The following GOLIM4 variants were observed in gnomAD, a reference collection of about 807,000 sequenced individuals.
GOLIM4 encodes 130 kDa golgi-localized phosphoprotein.
In GOLIM4, 71 loss-of-function variants were observed where a neutral mutation model predicts 107.4. The observed-to-expected ratio is 0.66, with a 90% confidence interval of 0.55 to 0.81. The LOEUF (loss-of-function observed/expected upper bound fraction) is 0.81, where lower values mean the gene tolerates loss of function less well. GOLIM4 is among the 30% of genes least tolerant of loss of function. The pLI is 0.00. For synonymous variants in GOLIM4, 327 were observed against 294.8 expected (o/e 1.11, Z -1.12); for missense variants, 830 against 826.1 (o/e 1.00, Z -0.06).
Position 168,029,880 on chromosome 3 carries a change from G to A in GOLIM4, c.1333C>T (p.Arg445Trp), listed in dbSNP as rs201493809. ...TGCTGCTGCTGCTGTTCCTGCTGCC[G>A]TAGTAAGTGCCCCTGCAGCCTCTGC... is the stretch of plus-strand genomic sequence containing the variant. ...HQQRLQGHLL[R>W]QQEQQQQQVA... Residue 445 changes from arginine to tryptophan, a missense_variant, in exon 10 of 16, where the codon CGG becomes TGG. Transcript: ENST00000470487. 158 of 1,614,108 alleles carry A rather than the reference G, an allele frequency of 9.8e-5. No individual in the cohort carries two copies. Among genetic ancestry groups the A allele is most frequent in the Middle Eastern group, 1.7e-4 (1 of 6,058 alleles).
Position 168,010,027 on chromosome 3 carries a change from C to T in GOLIM4, c.*242G>A. On this transcript the variant is annotated 3_prime_UTR_variant, in exon 16 of 16. Coordinates refer to ENST00000470487, the MANE Select transcript of GOLIM4 (RefSeq NM_014498.5). ...TATTAAAAAAATTGGGACGTGGGGG[C>T]TCAGGTTTACTTTATTGTTTTTCTT... 1 of 339,720 alleles carries T rather than the reference C, an allele frequency of 2.9e-6. No homozygotes were observed. Among genetic ancestry groups the T allele is most frequent in the Non-Finnish European group, 5.2e-6 (1 of 192,272 alleles). The allele number at this position is 339,720 out of a possible 1,614,324, so 21.0% of individuals were successfully genotyped here.
intron 1 of GOLIM4, among the ~76,000 whole-genome samples, chr3:168,055,143 G>C (rs1222818522): frequency 3.3e-5 from 5 of 152,122 alleles, no homozygotes; most frequent in Non-Finnish European, 7.4e-5. Context: ...GTGGGGTGCT[G>C]CTGAAAAGAT....
At chr3:168,048,225 C>T in intron 2 of GOLIM4, 66 bp downstream of exon 2, 1 of 844,872 alleles carries the variant, frequency 1.2e-6, no homozygotes, top group Non-Finnish European at 1.9e-6. Context: ...AATTGTAAAC[C>T]AAGTATATGA....
chr3:168,046,389 G>A (rs1719304815), intron 3 of GOLIM4, among the ~76,000 whole-genome samples: 2 of 152,134 alleles, frequency 1.3e-5, no homozygotes, highest in Non-Finnish European at 2.9e-5. Flanking sequence ...GTGGAGGGAA[G>A]GTCAGCAGAT....
At chr3:168,093,004 T>C (rs140247223) in intron 1 of GOLIM4, among the ~76,000 whole-genome samples, 140 of 152,282 alleles carry the variant, frequency 9.2e-4, no homozygotes, top group African/African-American at 3.2e-3. Context: ...AGGTAGAACA[T>C]TTCCATCTGC....
chr3:168,065,431 T>C (rs926648925), intron 1 of GOLIM4, among the ~76,000 whole-genome samples: 1 of 152,154 alleles, frequency 6.6e-6, no homozygotes, highest in African/African-American at 2.4e-5. Flanking sequence ...ACTTGAAAAA[T>C]ATTATACATA....
intron 1 of GOLIM4, among the ~76,000 whole-genome samples, chr3:168,062,637 A>G (rs1189898239): frequency 6.6e-6 from 1 of 152,190 alleles, no homozygotes; most frequent in African/African-American, 2.4e-5. Context: ...GAAAGCACCC[A>G]GTAATAGCAG....
intron 1 of GOLIM4, among the ~76,000 whole-genome samples, chr3:168,073,488 T>C (rs1359448108): frequency 2.0e-5 from 3 of 152,200 alleles, no homozygotes; most frequent in Non-Finnish European, 2.9e-5. Context: ...TTACCTACTA[T>C]ATTTCAGGCA....
At chr3:168,046,882 T>TC (rs1311711549) in intron 3 of GOLIM4, 68 bp downstream of exon 3, 2 of 811,152 alleles carry the variant, frequency 2.5e-6, no homozygotes, top group East Asian at 5.9e-5. Context: ...TGTATTTCTC[T>TC]CTCTTTCAAG....
intron 1 of GOLIM4, among the ~76,000 whole-genome samples, chr3:168,063,630 C>T (rs1720381507): frequency 6.8e-6 from 1 of 147,630 alleles, no homozygotes; most frequent in Non-Finnish European, 1.5e-5. Context: ...TAAAAGCCTT[C>T]AAGAGTAGAA....
chr3:168,011,370 C>G (rs989770894), intron 14 of GOLIM4, among the ~76,000 whole-genome samples: 3 of 152,192 alleles, frequency 2.0e-5, no homozygotes, highest in African/African-American at 7.2e-5. Context: ...AGATTATATC[C>G]CGCACCTGGC....
chr3:168,028,285 A>G (rs1053238390), intron 11 of GOLIM4, among the ~76,000 whole-genome samples: 1 of 152,184 alleles, frequency 6.6e-6, no homozygotes, highest in African/African-American at 2.4e-5. Context: ...AAACAAATAT[A>G]GCCCATCACA....
chr3:168,072,213 G>A (rs139383940), intron 1 of GOLIM4, among the ~76,000 whole-genome samples: 284 of 152,160 alleles, frequency 1.9e-3, no homozygotes, highest in African/African-American at 6.5e-3. Flanking sequence ...TATTCATTAC[G>A]GATGCTGTTC....
intron 1 of GOLIM4, among the ~76,000 whole-genome samples, chr3:168,086,029 T>G (rs1337484554): frequency 6.6e-6 from 1 of 152,162 alleles, no homozygotes; most frequent in African/African-American, 2.4e-5. Flanking sequence ...ATCTAGATTT[T>G]GAGGTGATGA....
At chr3:168,037,472 A>AC (rs1718727487) in intron 7 of GOLIM4, among the ~76,000 whole-genome samples, 2 of 151,904 alleles carry the variant, frequency 1.3e-5, no homozygotes, top group Non-Finnish European at 2.9e-5. Context: ...ACACACACAC[A>AC]AACACACACA....
chr3:168,052,697 T>C (rs1028237807), intron 1 of GOLIM4, among the ~76,000 whole-genome samples: 5 of 152,172 alleles, frequency 3.3e-5, no homozygotes, highest in African/African-American at 9.7e-5. Context: ...GCTTTTGAGC[T>C]GTGATTTATC....
rs975146603 is a variant in GOLIM4, at chr3:168,044,809, A to G, written c.366+19T>C. 2.9e-6 allele frequency: 4 copies of G among 1,402,402 alleles called. No individual in the cohort carries two copies. The highest frequency in any genetic ancestry group is 4.0e-6 in the Non-Finnish European group (4 of 1,005,288). The allele number at this position is 1,402,402 out of a possible 1,614,324, so 86.9% of individuals were successfully genotyped here. ...TAATCCTTTCTTTTATTCATAAATA[A>G]CAACTTTAGATTACTCACTTTCAAC... On this transcript the variant is annotated intron_variant, in intron 4 of 15. Transcript: ENST00000470487.
At chr3:168,070,422 T>A (rs749967745) in intron 1 of GOLIM4, among the ~76,000 whole-genome samples, 11 of 151,964 alleles carry the variant, frequency 7.2e-5, no homozygotes, top group Admixed American at 3.9e-4. Flanking sequence ...AAACAAAAAA[T>A]CCAAATTTTA....
At chr3:168,086,464 T>C (rs1419194475) in intron 1 of GOLIM4, among the ~76,000 whole-genome samples, 1 of 152,220 alleles carries the variant, frequency 6.6e-6, no homozygotes, top group Non-Finnish European at 1.5e-5. Context: ...TTAAATGAGA[T>C]GTGAACTGGA....
Sources: allele counts gnomAD v4.1 joint callset (sites outside exome capture counted in the v4.1 genomes callset), GRCh38; gene constraint gnomAD v4.1.1; transcripts MANE v1.5; gene names NCBI Gene and HGNC (gene_info 2026-07-23, HGNC 2026-07-21).